The following TRHDE variants were observed in gnomAD, a reference collection of about 807,000 sequenced individuals.
TRHDE encodes thyrotropin-releasing hormone-degrading ectoenzyme.
Under a neutral mutation model 125.7 loss-of-function variants are expected in TRHDE, and 72 were observed. The ratio of observed to expected loss-of-function variants is 0.57; its 90% CI spans 0.47 to 0.70. TRHDE has a LOEUF of 0.70. Ranked by LOEUF, TRHDE falls within the 30% of genes least tolerant of loss-of-function variation. TRHDE has a pLI of 0.00. For missense variants in TRHDE, 1,110 were observed against 1,327.1 expected (o/e 0.84, Z 2.54); for synonymous variants, 509 against 509.1 (o/e 1.00, Z 0.00).
At chr12:72,391,043 C>G (rs896619602) in intron 3 of TRHDE, among the ~76,000 whole-genome samples, 1 of 151,824 alleles carries the variant, frequency 6.6e-6, no homozygotes, top group African/African-American at 2.4e-5. Context: ...AATTTCCAGC[C>G]AATATGAAAG....
In TRHDE at chr12:72,286,862, T is replaced by C; in HGVS notation, c.1096T>C (p.Phe366Leu). ...FEEDGWVTDH[F>L]SQTPLMSTYY... ...GGAAGATGGATGGGTTACGGATCAC[T>C]TTTCACAGACCCCTCTCATGTCCAC... The change falls in exon 2 of 19, where the codon TTT (phenylalanine) becomes CTT (leucine). Residue 366 changes from phenylalanine (F) to leucine (L), a missense_variant. Physicochemically the swap from Phe to Leu is conservative, Grantham distance 22 (BLOSUM62 0). Coordinates refer to ENST00000261180, the MANE Select transcript of TRHDE (RefSeq NM_013381.3). 6.2e-7 allele frequency: 1 copy of C among 1,613,950 alleles called. No individual in the cohort carries two copies. The highest frequency in any genetic ancestry group is 8.5e-7 in the Non-Finnish European group (1 of 1,179,982).
At position 72,170,264 on chromosome 12, in the gene TRHDE, A is replaced by G. The variant is rs563568135; in HGVS notation, n.279+64512A>G. Among the ~76,000 whole-genome samples, 67 of 152,340 alleles carry G rather than the reference A, an allele frequency of 4.4e-4. 1 individual carries two copies. The highest frequency in any genetic ancestry group is 1.5e-3 in the African/African-American group (63 of 41,586). On this transcript the variant is annotated intron_variant and non_coding_transcript_variant, in intron 2 of 4. Coordinates refer to the TRHDE transcript ENST00000548156. Reference sequence around the variant, plus strand: ...AGAGCCAGGGTCCAATTTCAGTGACAGGAGTAGTAGAGAATAGATACATGG... The same window carrying G: ...AGAGCCAGGGTCCAATTTCAGTGACGGGAGTAGTAGAGAATAGATACATGG...
chr12:72,209,104 G>T (rs763059991), intron 2 of TRHDE, among the ~76,000 whole-genome samples: 1 of 152,154 alleles, frequency 6.6e-6, no homozygotes, highest in Non-Finnish European at 1.5e-5. Flanking sequence ...TGGACTTGTG[G>T]TCTTGGTCTC....
intron 2 of TRHDE, among the ~76,000 whole-genome samples, chr12:72,314,582 A>G (rs1724385002): frequency 6.6e-6 from 1 of 152,204 alleles, no homozygotes; most frequent in South Asian, 2.1e-4. Context: ...CACTGAAGGA[A>G]AAATGGTAGG....
intron 3 of TRHDE, among the ~76,000 whole-genome samples, chr12:72,441,342 A>G (rs1875001403): frequency 6.6e-6 from 1 of 151,910 alleles, no homozygotes; most frequent in Non-Finnish European, 1.5e-5. Context: ...GCAGTAATAA[A>G]ATTGACTAAT....
At chr12:72,192,952 A>G (rs893332413) in intron 2 of TRHDE, among the ~76,000 whole-genome samples, 2 of 152,104 alleles carry the variant, frequency 1.3e-5, no homozygotes, top group African/African-American at 2.4e-5. Flanking sequence ...CATCATCATC[A>G]TCGTATCATT....
intron 5 of TRHDE, among the ~76,000 whole-genome samples, chr12:72,495,550 C>A (rs967491861): frequency 1.2e-4 from 19 of 152,054 alleles, no homozygotes; most frequent in African/African-American, 4.1e-4. Context: ...TTAATCATTT[C>A]ATCCTCTGTG....
intron 3 of TRHDE, among the ~76,000 whole-genome samples, chr12:72,414,550 A>G (rs999790013): frequency 2.0e-5 from 3 of 152,162 alleles, no homozygotes; most frequent in African/African-American, 7.2e-5. Flanking sequence ...GAGTAGGGTA[A>G]TTGAATAAGG....
At chr12:72,436,266 G>T (rs1195182453) in intron 3 of TRHDE, among the ~76,000 whole-genome samples, 1 of 151,858 alleles carries the variant, frequency 6.6e-6, no homozygotes, top group Non-Finnish European at 1.5e-5. Flanking sequence ...TGAATTTATA[G>T]ACTTAATTAA....
chr12:72,222,037 T>C (rs1439879410), intron 2 of TRHDE, among the ~76,000 whole-genome samples: 1 of 152,102 alleles, frequency 6.6e-6, no homozygotes, highest in African/African-American at 2.4e-5. Flanking sequence ...GGGACTCCAA[T>C]TTCTTACATC....
chr12:72,384,638 A>G (rs1872334606), intron 3 of TRHDE, among the ~76,000 whole-genome samples: 1 of 152,126 alleles, frequency 6.6e-6, no homozygotes, highest in Admixed American at 6.5e-5. Flanking sequence ...AAGTCCATGA[A>G]TACCCTAGGA....
intron 12 of TRHDE, among the ~76,000 whole-genome samples, chr12:72,590,235 T>G (rs1397687137): frequency 6.6e-6 from 1 of 152,082 alleles, no homozygotes; most frequent in African/African-American, 2.4e-5. Flanking sequence ...ATACTCTATA[T>G]GATTTCAAAC....
intron 2 of TRHDE, among the ~76,000 whole-genome samples, chr12:72,114,827 A>G (rs1875404930): frequency 6.6e-6 from 1 of 151,938 alleles, no homozygotes; most frequent in Non-Finnish European, 1.5e-5. Flanking sequence ...TTCTGTGGTA[A>G]TTTGTTCCCT....
At chr12:72,187,088 A>G (rs986026214) in intron 2 of TRHDE, among the ~76,000 whole-genome samples, 2 of 152,158 alleles carry the variant, frequency 1.3e-5, no homozygotes, top group African/African-American at 4.8e-5. Flanking sequence ...CAGAATTTTG[A>G]CATTCAGTAC....
chr12:72,163,718 T>C (rs1215649275), intron 2 of TRHDE, among the ~76,000 whole-genome samples: 1 of 152,200 alleles, frequency 6.6e-6, no homozygotes, highest in Non-Finnish European at 1.5e-5. Context: ...GAAATTGAGA[T>C]GCCGTACATT....
At chr12:72,324,487 G>C (rs1460196467) in intron 2 of TRHDE, among the ~76,000 whole-genome samples, 2 of 152,056 alleles carry the variant, frequency 1.3e-5, no homozygotes, top group Non-Finnish European at 2.9e-5. Flanking sequence ...ATGATACATG[G>C]GCGAGAAATC....
At chr12:72,449,190 G>C (rs929644481) in intron 3 of TRHDE, among the ~76,000 whole-genome samples, 3 of 151,958 alleles carry the variant, frequency 2.0e-5, no homozygotes, top group Non-Finnish European at 4.4e-5. Flanking sequence ...CAGGCTTTCA[G>C]TAGCCAAAAA....
At chr12:72,492,899 A>G (rs1002722859) in intron 5 of TRHDE, among the ~76,000 whole-genome samples, 1 of 151,896 alleles carries the variant, frequency 6.6e-6, no homozygotes, top group Admixed American at 6.6e-5. Flanking sequence ...AACTCATAAC[A>G]TTCTCTCTAC....
intron 1 of TRHDE, among the ~76,000 whole-genome samples, chr12:72,097,816 G>T (rs1400124214): frequency 2.0e-5 from 3 of 152,032 alleles, no homozygotes; most frequent in Non-Finnish European, 1.5e-5. Context: ...GTTTGTCACA[G>T]ATTTCAGAGT....
Sources: gnomAD v4.1 joint callset for allele counts (sites outside exome capture counted in the v4.1 genomes callset) on GRCh38, gnomAD v4.1.1 for gene constraint, MANE v1.5 for transcripts, NCBI Gene and HGNC (gene_info 2026-07-23, HGNC 2026-07-21) for gene names.